The following PTPRA variants were observed in gnomAD, a reference collection of about 807,000 sequenced individuals.
The protein encoded by PTPRA is receptor-type tyrosine-protein phosphatase alpha.
A neutral mutation model predicts 104.8 loss-of-function variants in PTPRA; 25 were observed. The ratio of observed to expected loss-of-function variants is 0.24; its 90% CI spans 0.17 to 0.33. PTPRA has a LOEUF of 0.33. Among genes scored for constraint, PTPRA ranks in the 10% least tolerant of loss-of-function variants. PTPRA has a pLI of 1.00. For missense variants in PTPRA, 765 were observed against 1,015.3 expected, an observed-to-expected ratio of 0.75 and a Z score of 3.35; for synonymous variants, 323 against 368.9, an observed-to-expected ratio of 0.88 and a Z score of 1.43.
intron 5 of PTPRA, among the ~76,000 whole-genome samples, chr20:2,969,869 C>A (rs1265486334): frequency 1.3e-5 from 2 of 151,844 alleles, no homozygotes; most frequent in African/African-American, 4.8e-5. Context: ...ACTCTGGAGG[C>A]TGAGGCAGGA....
intron 20 of PTPRA, among the ~76,000 whole-genome samples, chr20:3,030,452 T>C (rs2065382072): frequency 6.6e-6 from 1 of 152,172 alleles, no homozygotes; most frequent in Non-Finnish European, 1.5e-5. Context: ...GGCCCCCAAG[T>C]TCACTTTCTG....
At chr20:2,902,011 G>A (rs1239407796) in intron 1 of PTPRA, among the ~76,000 whole-genome samples, 7 of 151,692 alleles carry the variant, frequency 4.6e-5, no homozygotes, top group African/African-American at 1.7e-4. Context: ...TCAGCCTCCC[G>A]AGAACCTGGG....
chr20:2,987,920 T>C lies in PTPRA; in HGVS notation c.528-112T>C. The C allele has an allele frequency of 2.8e-6, 3 of 1,075,296 alleles. 1 individual carries two copies. The Admixed American group carries it at 5.1e-5, about 18-fold the overall frequency. The allele number at this position is 1,075,296 out of a possible 1,614,324, so 66.6% of individuals were successfully genotyped here. A position where few individuals can be genotyped will look rare whatever the true frequency, so the allele number is the denominator to read the frequency against. On this transcript the variant is annotated intron_variant, in intron 7 of 23. Coordinates refer to ENST00000399903, the MANE Select transcript of PTPRA (RefSeq NM_001385305.1). ...ATGACCTGTCTCTAAAAAAGCCCGA[T>C]TATTTTTAAAGGCGATTTAGAAAGG...
At chr20:2,991,578 G>A (rs561692940) in intron 9 of PTPRA, among the ~76,000 whole-genome samples, 5 of 152,218 alleles carry the variant, frequency 3.3e-5, no homozygotes, top group Admixed American at 2.0e-4. Flanking sequence ...AGCATGAAAC[G>A]AATTATTTGT....
chr20:3,017,082 A>G (rs1411304232), intron 12 of PTPRA, among the ~76,000 whole-genome samples: 1 of 152,022 alleles, frequency 6.6e-6, no homozygotes, highest in Admixed American at 6.6e-5. Context: ...TGTGTTTTTT[A>G]TATACCTACT....
intron 2 of PTPRA, 48 bp from the exon 3 acceptor site, chr20:2,947,934 A>G (rs2061198685): frequency 8.2e-6 from 7 of 854,902 alleles, no homozygotes; most frequent in Admixed American, 5.7e-5. Flanking sequence ...AATGCTTCAC[A>G]TAACCTAGAT....
chr20:2,919,229 A>T (rs761946658), intron 1 of PTPRA, among the ~76,000 whole-genome samples: 5 of 152,232 alleles, frequency 3.3e-5, no homozygotes, highest in Non-Finnish European at 5.9e-5. Flanking sequence ...AATGATCATT[A>T]CGACTTGTGC....
At chr20:2,948,758 T>G (rs1983715) in intron 3 of PTPRA, among the ~76,000 whole-genome samples, 1 of 151,796 alleles carries the variant, frequency 6.6e-6, no homozygotes, top group African/African-American at 2.4e-5. Context: ...AAGACCATCC[T>G]GGCTAACACA....
intron 3 of PTPRA, among the ~76,000 whole-genome samples, chr20:2,962,711 T>C (rs932545197): frequency 1.3e-5 from 2 of 152,220 alleles, no homozygotes; most frequent in Admixed American, 1.3e-4. Flanking sequence ...AGTATATCAC[T>C]GGTTTAATGA....
At chr20:2,879,831 A>G (rs1397065252) in intron 1 of PTPRA, among the ~76,000 whole-genome samples, 1 of 152,236 alleles carries the variant, frequency 6.6e-6, no homozygotes, top group East Asian at 1.9e-4. Context: ...AGGCTATACA[A>G]TATAGCCTAG....
chr20:2,867,840 T>G, the PTPRA span, among the ~76,000 whole-genome samples: 1 of 152,232 alleles, frequency 6.6e-6, no homozygotes, highest in South Asian at 2.1e-4. Context: ...GGTATTTCTT[T>G]TTTTCCTTTT....
chr20:3,034,750 A>G (rs1223708911), intron 20 of PTPRA, among the ~76,000 whole-genome samples: 1 of 152,070 alleles, frequency 6.6e-6, no homozygotes, highest in Non-Finnish European at 1.5e-5. Flanking sequence ...TTTTTTTCCA[A>G]ATCTTTCAAT....
At chr20:3,034,692 G>T (rs1317644781) in intron 20 of PTPRA, among the ~76,000 whole-genome samples, 2 of 151,950 alleles carry the variant, frequency 1.3e-5, no homozygotes, top group East Asian at 3.9e-4. Context: ...TAATAATCAT[G>T]ATTTTATTTG....
chr20:3,023,657 C>T (rs1163513622), intron 16 of PTPRA, among the ~76,000 whole-genome samples: 1 of 152,190 alleles, frequency 6.6e-6, no homozygotes, highest in Non-Finnish European at 1.5e-5. Flanking sequence ...TGACCCTCTG[C>T]CCACCATTAC....
Position 2,986,727 on chromosome 20 carries a change from C to T in PTPRA, c.443-38C>T, listed in dbSNP as rs374485326. 7.0e-6 allele frequency: 11 copies of T among 1,562,784 alleles called. No individual in the cohort carries two copies. In the African/African-American group the frequency reaches 1.1e-4, roughly 15 times the overall value. On this transcript the variant is annotated intron_variant, in intron 6 of 23. Transcript: ENST00000399903. ...TGGCTGACTTAAGCCCTCCATTGCACAACACAGTAATGACTTGTTCTGTTG... is the reference window on the plus strand; with the variant it reads ...TGGCTGACTTAAGCCCTCCATTGCATAACACAGTAATGACTTGTTCTGTTG...
chr20:2,866,287 CAGA>C, the PTPRA span: 29 of 1,613,998 alleles, frequency 1.8e-5, no homozygotes, highest in African/African-American at 2.7e-4. Context: ...GGGTCCCGAG[CAGA>C]AGGTCAAGGC....
chr20:3,002,166 C>T (rs559929843), intron 9 of PTPRA, among the ~76,000 whole-genome samples: 38 of 80,580 alleles, frequency 4.7e-4, no homozygotes, highest in African/African-American at 1.1e-3. Flanking sequence ...AAAACTCTTG[C>T]TTCCATCTGA....
chr20:3,014,857 ACTT>A (rs1354138346), intron 11 of PTPRA, among the ~76,000 whole-genome samples: 1 of 152,178 alleles, frequency 6.6e-6, no homozygotes, highest in Non-Finnish European at 1.5e-5. Flanking sequence ...CTTACCTAGA[ACTT>A]CTGAATTGAA....
intron 2 of PTPRA, among the ~76,000 whole-genome samples, chr20:2,934,526 T>C (rs2060621167): frequency 6.6e-6 from 1 of 152,168 alleles, no homozygotes; most frequent in Non-Finnish European, 1.5e-5. Flanking sequence ...ATTATTTGTT[T>C]TAAATAATGC....
Sources: gnomAD v4.1 joint callset for allele counts (sites outside exome capture counted in the v4.1 genomes callset) on GRCh38, gnomAD v4.1.1 for gene constraint, MANE v1.5 for transcripts, NCBI Gene and HGNC (gene_info 2026-07-23, HGNC 2026-07-21) for gene names.